The following MTFR2 variants were observed in gnomAD, a reference collection of about 807,000 sequenced individuals.
The protein encoded by MTFR2 is mitochondrial fission regulator 2.
MTFR2 carries 44 observed loss-of-function variants against 41.2 expected under a neutral mutation model. That is an observed-to-expected ratio of 1.07 (90% CI 0.84 to 1.37). The LOEUF (loss-of-function observed/expected upper bound fraction) is 1.37, where lower values mean the gene tolerates loss of function less well. Ranked by LOEUF, MTFR2 falls within the 40% of genes most tolerant of loss-of-function variation. The pLI is 0.00. For missense variants in MTFR2, 452 were observed against 459.5 expected (o/e 0.98, Z 0.15); for synonymous variants, 141 against 154.6 (o/e 0.91, Z 0.65).
intron 6 of MTFR2, among the ~76,000 whole-genome samples, chr6:136,237,389 T>C (rs1439417486): frequency 1.3e-5 from 2 of 152,152 alleles, no homozygotes; most frequent in Admixed American, 6.5e-5. Flanking sequence ...TCACAAAAAA[T>C]ACAGTAATTC....
At position 136,249,027 on chromosome 6, in the gene MTFR2, C is replaced by T. The variant is rs776312983; in HGVS notation, c.63+10G>A. 1.3e-6 allele frequency: 2 copies of T among 1,596,496 alleles called. No individual in the cohort carries two copies. Among genetic ancestry groups the T allele is most frequent in the South Asian group, 1.1e-5 (1 of 87,626 alleles). ...ACAACAGATCCATTCCAATCCAAAA[C>T]GACATTTACCTGTTCTACAGGAACG... On this transcript the variant is annotated intron_variant, in intron 2 of 7. Transcript: ENST00000420702.
Position 136,242,106 on chromosome 6 carries a change from A to AC in MTFR2, c.282-431_282-430insG, listed in dbSNP as rs1473887174. Among the ~76,000 whole-genome samples, 64 of 147,812 alleles carry AC rather than the reference A, an allele frequency of 4.3e-4. 3 individuals carry two copies. The highest frequency in any genetic ancestry group is 1.6e-3 in the African/African-American group (61 of 38,346). ...AAAAAAAAAAAAAAAAAAAAAAAAA[A>AC]AACCTACTCTCTATCCCCCATGATT... On this transcript the variant is annotated intron_variant, in intron 4 of 7. Coordinates refer to ENST00000420702, the MANE Select transcript of MTFR2 (RefSeq NM_001099286.3).
intron 6 of MTFR2, 61 bp downstream of exon 6, chr6:136,239,405 A>C: frequency 7.9e-7 from 1 of 1,269,882 alleles, no homozygotes; most frequent in Non-Finnish European, 1.1e-6. Flanking sequence ...TAAACATAAT[A>C]ATTTTTCTAA....
Position 136,243,575 on chromosome 6 carries a change from G to A in MTFR2, c.169-602C>T, listed in dbSNP as rs75963493. 8.6e-3 allele frequency among the ~76,000 whole-genome samples: 1,303 copies of A among 152,060 alleles called. 12 individuals carry two copies. Among genetic ancestry groups the A allele is most frequent in the African/African-American group, 0.029 (1,191 of 41,456 alleles). ...AAAAAAAAGTCAGCCAGGTGTGGTG[G>A]TGCACACCTCCCAAGTAGTCCCAGC... On this transcript the variant is annotated intron_variant, in intron 3 of 7. Transcript: ENST00000420702.
Position 136,248,016 on chromosome 6 carries a change from T to C in MTFR2, c.63+1021A>G, listed in dbSNP as rs192281882. 2.1e-4 allele frequency among the ~76,000 whole-genome samples: 32 copies of C among 152,310 alleles called. 1 individual carries two copies. In the East Asian group the frequency reaches 6.0e-3, roughly 28 times the overall value. On this transcript the variant is annotated intron_variant, in intron 2 of 7. Transcript: ENST00000420702. ...TCTCCATATTCAAACTAGTTTCTCA[T>C]ACTAAGATGCCCATTTATAATAATG... is the stretch of plus-strand genomic sequence containing the variant.
chr6:136,248,813 G>A, intron 2 of MTFR2: 2 of 487,016 alleles, frequency 4.1e-6, no homozygotes, highest in Non-Finnish European at 7.1e-6. Flanking sequence ...TGCTTCCTTT[G>A]TATCTTCTGT....
chr6:136,247,541 TA>T, intron 2 of MTFR2: 1 of 456,198 alleles, frequency 2.2e-6, no homozygotes, highest in Non-Finnish European at 4.4e-6. Context: ...TGATGACAAA[TA>T]TGCTGAAGTT....
At position 136,233,500 on chromosome 6, in the gene MTFR2, C is replaced by A; in HGVS notation, c.870-1G>T. 1 of 1,464,310 alleles carries A rather than the reference C, an allele frequency of 6.8e-7. No individual in the cohort carries two copies. The highest frequency in any genetic ancestry group is 2.3e-5 in the Admixed American group (1 of 42,678). The allele number at this position is 1,464,310 out of a possible 1,614,324, so 90.7% of individuals were successfully genotyped here. ...ATGAATGGGTCTACCGCCAGGTGACCTATTTTTTAAAAAAAAAAATTGAAT... is the reference window on the plus strand; with the variant it reads ...ATGAATGGGTCTACCGCCAGGTGACATATTTTTTAAAAAAAAAAATTGAAT... On this transcript the variant is annotated splice_acceptor_variant, in intron 6 of 7. Transcript: ENST00000420702. LOFTEE classifies it high-confidence loss of function.
In MTFR2 at chr6:136,244,840, A is replaced by G; in HGVS notation, c.93T>C (p.Tyr31=). Residue 31 remains tyrosine (Y), a synonymous_variant, in exon 3 of 8, where the codon TAT becomes TAC. Transcript: ENST00000420702. ...QVLLIWENKD[Y]GSTRSIVRII... ...TACGAACAATACTCCTAGTTGATCC[A>G]TAGTCTTTATTTTCCCAAATCAGCA... The G allele has an allele frequency of 6.2e-7, 1 of 1,611,708 alleles. No homozygotes were observed. Among genetic ancestry groups the G allele is most frequent in the South Asian group, 1.1e-5 (1 of 90,414 alleles).
chr6:136,247,001 G>A lies in MTFR2; in HGVS notation c.63+2036C>T, dbSNP rs76114154. On this transcript the variant is annotated intron_variant, in intron 2 of 7. Coordinates refer to ENST00000420702, the MANE Select transcript of MTFR2 (RefSeq NM_001099286.3). ...TGTCTCTGCTCTTACTGAGAAAACC[G>A]AGAACTTCAACTTGACATACCTCAA... is the stretch of plus-strand genomic sequence containing the variant. Among the ~76,000 whole-genome samples, 427 of 152,212 alleles carry A rather than the reference G, an allele frequency of 2.8e-3. 7 individuals are homozygous for A. The East Asian group carries it at 0.036, about 13-fold the overall frequency.
Position 136,231,363 on chromosome 6 carries a change from TCTGA to T in MTFR2, c.1066_1069del (p.Ser356LysfsTer25), listed in dbSNP as rs1235876476. On this transcript the variant is annotated frameshift_variant, in exon 8 of 8. Transcript: ENST00000420702. LOFTEE classifies it high-confidence loss of function. ...CATTTCTTCTTTAGTTCGCTGTCCT[TCTGA>T]CTGTGAAATGTGATGTCCAAACTGA... The T allele has an allele frequency of 1.2e-6, 2 of 1,611,224 alleles. No homozygotes were observed. The highest frequency in any genetic ancestry group is 1.7e-6 in the Non-Finnish European group (2 of 1,178,606).
intron 5 of MTFR2, among the ~76,000 whole-genome samples, chr6:136,240,292 G>C (rs1310649577): frequency 3.3e-5 from 5 of 151,934 alleles, no homozygotes; most frequent in African/African-American, 1.2e-4. Flanking sequence ...TGCTCATAAA[G>C]GACTGTGGGT....
intron 6 of MTFR2, among the ~76,000 whole-genome samples, chr6:136,233,822 A>T (rs1454509345): frequency 6.6e-6 from 1 of 152,130 alleles, no homozygotes; most frequent in East Asian, 1.9e-4. Flanking sequence ...CAAATAAATA[A>T]GAACTTTTAA....
chr6:136,239,863 T>G, intron 5 of MTFR2, 43 bp from the exon 6 acceptor site: 1 of 1,470,126 alleles, frequency 6.8e-7, no homozygotes, highest in Non-Finnish European at 9.2e-7. Flanking sequence ...CACAATTATC[T>G]CTAACGTAAT....
Position 136,244,802 on chromosome 6 carries a change from AT to A in MTFR2, c.130del (p.Met44CysfsTer14). The A allele has an allele frequency of 6.2e-7, 1 of 1,612,800 alleles. No individual in the cohort carries two copies. Among genetic ancestry groups the A allele is most frequent in the Non-Finnish European group, 8.5e-7 (1 of 1,179,580 alleles). On this transcript the variant is annotated frameshift_variant, in exon 3 of 8. Coordinates refer to ENST00000420702, the MANE Select transcript of MTFR2 (RefSeq NM_001099286.3). LOFTEE classifies it high-confidence loss of function. ...TCTTCGACAAGGTTCCAGTGGAAGC[AT>A]TTTCCCAATAATACGAACAATACTC... Reference protein sequence around the residue: ...TRSIVRIIGKMLPLEPCRRPN... With the variant: ...TRSIVRIIGKXLPLEPCRRPN...
intron 6 of MTFR2, among the ~76,000 whole-genome samples, chr6:136,238,665 TTA>T (rs1361067003): frequency 6.8e-6 from 1 of 147,288 alleles, no homozygotes; most frequent in African/African-American, 2.6e-5. Context: ...ATAGAGCTCA[TTA>T]TGTTTTTTCA....
chr6:136,247,349 T>TA (rs879537795), intron 2 of MTFR2: 10,242 of 301,220 alleles, frequency 0.034, no homozygotes, highest in South Asian at 0.055. Context: ...GACTCCATCT[T>TA]AAAAAAAAAA....
intron 5 of MTFR2, among the ~76,000 whole-genome samples, chr6:136,240,838 T>TC (rs1378785359): frequency 5.9e-5 from 9 of 152,212 alleles, no homozygotes; most frequent in Admixed American, 1.3e-4. Context: ...ACGCCTGTAA[T>TC]CCCAGCACTT....
rs73779618 is a variant in MTFR2, at chr6:136,244,589, T to C, written c.168+176A>G. On this transcript the variant is annotated intron_variant, in intron 3 of 7. Coordinates refer to ENST00000420702, the MANE Select transcript of MTFR2 (RefSeq NM_001099286.3). ...CCCATCATTAAACGATGCATGATTG[T>C]ATTTAAATAAACAAAAACACAAAAA... Among the ~76,000 whole-genome samples the C allele has an allele frequency of 7.2e-5, 11 of 152,320 alleles. No homozygotes were observed. The South Asian group carries it at 2.3e-3, about 32-fold the overall frequency.
Sources: gnomAD v4.1 joint callset for allele counts (sites outside exome capture counted in the v4.1 genomes callset) on GRCh38, gnomAD v4.1.1 for gene constraint, MANE v1.5 for transcripts, NCBI Gene and HGNC (gene_info 2026-07-23, HGNC 2026-07-21) for gene names.